The following RPS6KC1 variants were observed in gnomAD, a reference collection of about 807,000 sequenced individuals.
RPS6KC1 encodes ribosomal protein S6 kinase C1.
Under a neutral mutation model 103.8 loss-of-function variants are expected in RPS6KC1, and 54 were observed. The ratio of observed to expected loss-of-function variants is 0.52; its 90% confidence interval spans 0.42 to 0.65. The LOEUF is 0.65. Ranked by LOEUF, RPS6KC1 falls within the 30% of genes least tolerant of loss-of-function variation. The pLI, the probability that RPS6KC1 is intolerant of heterozygous loss-of-function variation, is 0.00. For synonymous variants in RPS6KC1, 439 were observed against 438.7 expected (o/e 1.00, Z -0.01); for missense variants, 1,151 against 1,253.8 (o/e 0.92, Z 1.24).
In RPS6KC1 at chr1:213,240,815, A is replaced by C; in HGVS notation, c.1339A>C (p.Thr447Pro). 1.2e-6 allele frequency: 2 copies of C among 1,613,928 alleles called. No individual in the cohort carries two copies. Among genetic ancestry groups the C allele is most frequent in the Non-Finnish European group, 1.7e-6 (2 of 1,179,882 alleles). ...TGCAAAAGTTCACCTGCAGCAGCCA[A>C]CTTCTAGTCCTCAGGACAGCAGTAG... Reference protein sequence around the residue: ...TLAKVHLQQPTSSPQDSSSFE... With the variant: ...TLAKVHLQQPPSSPQDSSSFE... Residue 447 changes from threonine (T) to proline (P), a missense_variant, in exon 11 of 15, where the codon ACT becomes CCT. Physicochemically the swap from Thr to Pro is conservative, Grantham distance 38 (BLOSUM62 -1). Around this residue, in one of 3 missense-constraint regions of RPS6KC1, gnomAD observed 959 missense variants for 1,006.3 expected, o/e 0.95. Transcript: ENST00000366960.
At chr1:213,857,519 T>C in the RPS6KC1 span, among the ~76,000 whole-genome samples, 3 of 152,216 alleles carry the variant, frequency 2.0e-5, no homozygotes, top group African/African-American at 7.2e-5. Context: ...CCTCAAGGCA[T>C]AGCCCCTTTT....
the RPS6KC1 span, among the ~76,000 whole-genome samples, chr1:213,714,504 G>C: frequency 6.6e-6 from 1 of 151,464 alleles, no homozygotes; most frequent in Non-Finnish European, 1.5e-5. Context: ...AATGGCTTTC[G>C]TCTGTCATTT....
At chr1:213,809,033 G>A in the RPS6KC1 span, among the ~76,000 whole-genome samples, 1 of 152,190 alleles carries the variant, frequency 6.6e-6, no homozygotes, top group East Asian at 1.9e-4. Flanking sequence ...ACTGTTTGGT[G>A]CAAGAGACTT....
In RPS6KC1 at chr1:213,051,319, C is replaced by T. The variant is rs2076922601; in HGVS notation, c.-86C>T. 8 of 1,018,608 alleles carry T rather than the reference C, an allele frequency of 7.9e-6. No individual in the cohort carries two copies. The highest frequency in any genetic ancestry group is 1.6e-5 in the African/African-American group (1 of 62,066). 63.1% of individuals were successfully genotyped at this position (1,018,608 alleles called of 1,614,324 possible). ...CCACCGCCCCCTCGCCGCTTCGCCGCTGCGTTGGGGAACCTGGACCGCGGC... is the reference window on the plus strand; with the variant it reads ...CCACCGCCCCCTCGCCGCTTCGCCGTTGCGTTGGGGAACCTGGACCGCGGC... On this transcript the variant is annotated 5_prime_UTR_variant, in exon 1 of 15. Transcript: ENST00000366960.
intron 3 of RPS6KC1, among the ~76,000 whole-genome samples, chr1:213,092,419 C>A (rs934315645): frequency 6.6e-6 from 1 of 152,070 alleles, no homozygotes; most frequent in African/African-American, 2.4e-5. Flanking sequence ...TGTCTGTAAT[C>A]CCAGCACTTT....
At chr1:213,509,217 TA>T in the RPS6KC1 span, among the ~76,000 whole-genome samples, 2 of 152,178 alleles carry the variant, frequency 1.3e-5, no homozygotes, top group African/African-American at 4.8e-5. Flanking sequence ...ATCACATGGC[TA>T]AAGACCAAAT....
At chr1:213,306,893 A>G in the RPS6KC1 span, among the ~76,000 whole-genome samples, 4 of 152,110 alleles carry the variant, frequency 2.6e-5, no homozygotes, top group Non-Finnish European at 5.9e-5. Flanking sequence ...GGACGTCTGC[A>G]TGTGGGTGTG....
chr1:213,219,863 G>C (rs553330742), intron 8 of RPS6KC1, among the ~76,000 whole-genome samples: 1 of 144,222 alleles, frequency 6.9e-6, no homozygotes, highest in South Asian at 2.4e-4. Context: ...GTTGTGGGGT[G>C]GGGGGAGGGG....
the RPS6KC1 span, among the ~76,000 whole-genome samples, chr1:213,727,454 A>G: frequency 6.6e-6 from 1 of 152,212 alleles, no homozygotes; most frequent in Non-Finnish European, 1.5e-5. Flanking sequence ...AGGAGGGGAA[A>G]CATTGAGAAG....
the RPS6KC1 span, among the ~76,000 whole-genome samples, chr1:213,330,592 A>G: frequency 6.6e-6 from 1 of 152,180 alleles, no homozygotes; most frequent in Non-Finnish European, 1.5e-5. Context: ...CTTGGGCTCA[A>G]GAGGAGGGAA....
At chr1:213,578,779 G>A in the RPS6KC1 span, among the ~76,000 whole-genome samples, 1 of 152,034 alleles carries the variant, frequency 6.6e-6, no homozygotes, top group African/African-American at 2.4e-5. Flanking sequence ...GATTTTACAG[G>A]CTCACGGGCA....
the RPS6KC1 span, among the ~76,000 whole-genome samples, chr1:213,414,963 G>A: frequency 6.6e-6 from 1 of 152,142 alleles, no homozygotes; most frequent in Non-Finnish European, 1.5e-5. Flanking sequence ...GATTCTTTGG[G>A]GTGGGTGTGG....
the RPS6KC1 span, among the ~76,000 whole-genome samples, chr1:213,582,754 C>A: frequency 1.3e-5 from 2 of 152,182 alleles, no homozygotes; most frequent in Non-Finnish European, 2.9e-5. Flanking sequence ...AACTTAAAAT[C>A]AGTTTTACTG....
At chr1:213,466,115 C>T in the RPS6KC1 span, among the ~76,000 whole-genome samples, 6 of 152,176 alleles carry the variant, frequency 3.9e-5, no homozygotes, top group African/African-American at 7.2e-5. Flanking sequence ...CTCCACCTAA[C>T]TCAAATTCTT....
chr1:213,859,498 A>G, the RPS6KC1 span, among the ~76,000 whole-genome samples: 2 of 152,164 alleles, frequency 1.3e-5, no homozygotes, highest in Admixed American at 6.5e-5. Flanking sequence ...TGTGGTTTCT[A>G]TTGTAAAGAC....
chr1:213,823,338 T>C, the RPS6KC1 span, among the ~76,000 whole-genome samples: 1 of 152,216 alleles, frequency 6.6e-6, no homozygotes, highest in African/African-American at 2.4e-5. Context: ...CAAATATTGT[T>C]GTCTCCGTCA....
chr1:213,391,581 TAA>T, the RPS6KC1 span, among the ~76,000 whole-genome samples: 6 of 152,214 alleles, frequency 3.9e-5, no homozygotes, highest in African/African-American at 1.4e-4. Context: ...ATACAGGTGG[TAA>T]AGAGGCTCTG....
chr1:213,306,213 C>T, the RPS6KC1 span, among the ~76,000 whole-genome samples: 3 of 152,262 alleles, frequency 2.0e-5, no homozygotes, highest in Non-Finnish European at 2.9e-5. Context: ...GGAAGTGACA[C>T]AGTTTTGTTG....
chr1:213,681,756 C>T, the RPS6KC1 span, among the ~76,000 whole-genome samples: 19 of 152,178 alleles, frequency 1.2e-4, no homozygotes. Context: ...TTTGATTGCA[C>T]CACTGCACTC....
Sources: allele counts gnomAD v4.1 joint callset (sites outside exome capture counted in the v4.1 genomes callset), GRCh38; gene constraint gnomAD v4.1.1; regional missense constraint gnomAD v4.1.1; transcripts MANE v1.5; gene names NCBI Gene and HGNC (gene_info 2026-07-23, HGNC 2026-07-21).